Variants in CUEDC1 observed in about 807,000 individuals in gnomAD.
CUEDC1 encodes CUE domain containing 1.
A neutral mutation model predicts 43.7 loss-of-function variants in CUEDC1; 30 were observed. The observed-to-expected ratio is 0.69, with a 90% CI of 0.51 to 0.93. The LOEUF is 0.93. CUEDC1 is among the 40% of genes least tolerant of loss of function. CUEDC1 has a pLI of 0.00. For synonymous variants in CUEDC1, 223 were observed against 223.6 expected (o/e 1.00, Z 0.02); for missense variants, 486 against 549.0 (o/e 0.89, Z 1.15).
In CUEDC1 at chr17:57,896,202, A is replaced by G. The variant is rs572311886; in HGVS notation, c.-315-10323T>C. Among the ~76,000 whole-genome samples the G allele has an allele frequency of 6.2e-4, 94 of 152,314 alleles. 1 individual carries two copies. The highest frequency in any genetic ancestry group is 6.1e-3 in the Admixed American group (94 of 15,306). On this transcript the variant is annotated intron_variant, in intron 1 of 10. Coordinates refer to ENST00000577830, the MANE Select transcript of CUEDC1 (RefSeq NM_001271875.2). The stretch of plus-strand genomic sequence containing the variant: ...CTACTGATTCAGGAATTCCACTTCT[A>G]TGAAATTTACCTACAGATGATATGT...
Position 57,873,739 on chromosome 17 carries a change from G to A in CUEDC1, c.465-22C>T, listed in dbSNP as rs541707299. ...GATACTAGGGGATGGCAGGTGACAG[G>A]GAAGAGGAAGTCATTAAGCCCAACC... On this transcript the variant is annotated intron_variant, in intron 3 of 10. Transcript: ENST00000577830. The A allele has an allele frequency of 4.5e-6, 7 of 1,540,594 alleles. No individual in the cohort carries two copies. The East Asian group carries it at 1.5e-4, about 32-fold the overall frequency.
At chr17:57,923,151 T>C (rs1387748359) in intron 1 of CUEDC1, among the ~76,000 whole-genome samples, 1 of 152,022 alleles carries the variant, frequency 6.6e-6, no homozygotes, top group African/African-American at 2.4e-5. Flanking sequence ...TGTTTACAAT[T>C]TCCAACTAGC....
intron 2 of CUEDC1, among the ~76,000 whole-genome samples, chr17:57,881,543 C>G (rs112012392): frequency 3.9e-5 from 6 of 152,316 alleles, no homozygotes; most frequent in African/African-American, 1.4e-4. Context: ...TTTCCCAGAC[C>G]CCTCTTCTCT....
chr17:57,883,861 C>T (rs2074249773), intron 2 of CUEDC1, among the ~76,000 whole-genome samples: 3 of 152,126 alleles, frequency 2.0e-5, no homozygotes, highest in Admixed American at 6.5e-5. Flanking sequence ...GCTGCATGTC[C>T]CAGATGGCCC....
intron 1 of CUEDC1, among the ~76,000 whole-genome samples, chr17:57,931,547 C>T (rs1364069661): frequency 6.6e-6 from 1 of 152,132 alleles, no homozygotes; most frequent in African/African-American, 2.4e-5. Context: ...ACTGCTGTTC[C>T]TGCAGTGGGG....
chr17:57,934,305 T>C (rs1255433719), intron 1 of CUEDC1, among the ~76,000 whole-genome samples: 2 of 151,906 alleles, frequency 1.3e-5, no homozygotes, highest in East Asian at 1.9e-4. Flanking sequence ...GGCAGGAGAA[T>C]TGCTTGAACC....
chr17:57,939,909 A>G (rs1308523048), intron 1 of CUEDC1, among the ~76,000 whole-genome samples: 1 of 152,112 alleles, frequency 6.6e-6, no homozygotes, highest in Non-Finnish European at 1.5e-5. Flanking sequence ...CTCACTGAGA[A>G]CAGCTGCGTC....
At chr17:57,880,878 C>T (rs1446949774) in intron 2 of CUEDC1, among the ~76,000 whole-genome samples, 2 of 152,166 alleles carry the variant, frequency 1.3e-5, no homozygotes, top group Non-Finnish European at 2.9e-5. Context: ...TCCCTCACCA[C>T]ACAGCCCAAC....
rs1435024142 is a variant in CUEDC1 at position 57,885,575 on chromosome 17, C to T, written c.-11G>A. On this transcript the variant is annotated 5_prime_UTR_variant, in exon 2 of 11. Coordinates refer to ENST00000577830, the MANE Select transcript of CUEDC1 (RefSeq NM_001271875.2). ...GAACAGGCTGGTCATTTTGCGGAGC[C>T]GCTTGGGGAAAATGTTTCTAGCCGG... is the stretch of plus-strand genomic sequence containing the variant. 4 of 1,347,862 alleles carry T rather than the reference C, an allele frequency of 3.0e-6. No homozygotes were observed. The highest frequency in any genetic ancestry group is 6.1e-5 in the East Asian group (2 of 32,548). 83.5% of individuals were successfully genotyped at this position (1,347,862 alleles called of 1,614,324 possible).
At chr17:57,937,861 G>A (rs1258483255) in intron 1 of CUEDC1, among the ~76,000 whole-genome samples, 2 of 151,756 alleles carry the variant, frequency 1.3e-5, no homozygotes, top group African/African-American at 2.4e-5. Flanking sequence ...GAGCTGTGAT[G>A]GTGCTACTGC....
At chr17:57,940,103 G>A (rs562516463) in intron 1 of CUEDC1, among the ~76,000 whole-genome samples, 5 of 152,254 alleles carry the variant, frequency 3.3e-5, no homozygotes, top group Admixed American at 2.6e-4. Context: ...TGAGGAAAGA[G>A]GCTCTAGAGG....
rs557331879 is a variant in CUEDC1 at position 57,885,584 on chromosome 17, A to C, written c.-20T>G. 2.1e-5 allele frequency: 28 copies of C among 1,344,674 alleles called. No individual in the cohort carries two copies. In the South Asian group the frequency reaches 4.5e-4, roughly 21 times the overall value. The allele number at this position is 1,344,674 out of a possible 1,614,324, so 83.3% of individuals were successfully genotyped here. On this transcript the variant is annotated 5_prime_UTR_variant, in exon 2 of 11. Coordinates refer to ENST00000577830, the MANE Select transcript of CUEDC1 (RefSeq NM_001271875.2). ...GGTCATTTTGCGGAGCCGCTTGGGG[A>C]AAATGTTTCTAGCCGGCCGCAAAGC...
intron 1 of CUEDC1, among the ~76,000 whole-genome samples, chr17:57,897,868 C>T (rs1011442367): frequency 1.3e-5 from 2 of 152,034 alleles, no homozygotes; most frequent in Non-Finnish European, 2.9e-5. Flanking sequence ...CAAAACTTAG[C>T]TGGGCGTGGT....
intron 1 of CUEDC1, among the ~76,000 whole-genome samples, chr17:57,929,564 A>G (rs1328806206): frequency 6.6e-6 from 1 of 152,204 alleles, no homozygotes; most frequent in African/African-American, 2.4e-5. Context: ...CTTCCCTCTT[A>G]GAACAGGGTA....
rs550978042 is a variant in CUEDC1 at position 57,930,319 on chromosome 17, G to A, written c.-316+24906C>T. On this transcript the variant is annotated intron_variant, in intron 1 of 10. Coordinates refer to ENST00000577830, the MANE Select transcript of CUEDC1 (RefSeq NM_001271875.2). This position sits in a 1 kb window ranked among gnomAD's most constrained non-coding sequence, Gnocchi z 4.2. ...GCTGTGAACTCCACCTGGCAAACAAGTCGGACTCCAGCAAAGGCTCACCAG... is the reference window on the plus strand; with the variant it reads ...GCTGTGAACTCCACCTGGCAAACAAATCGGACTCCAGCAAAGGCTCACCAG... Among the ~76,000 whole-genome samples the A allele has an allele frequency of 2.6e-5, 4 of 152,338 alleles. No homozygotes were observed. The South Asian group carries it at 8.3e-4, about 32-fold the overall frequency.
At chr17:57,868,298 C>T in intron 7 of CUEDC1, 55 bp from the exon 8 acceptor site, 1 of 1,516,200 alleles carries the variant, frequency 6.6e-7, no homozygotes, top group Non-Finnish European at 9.2e-7. Flanking sequence ...CACCAGATGG[C>T]CTCCTCCCAG....
intron 1 of CUEDC1, among the ~76,000 whole-genome samples, chr17:57,951,264 C>T (rs899509062): frequency 6.6e-6 from 1 of 152,166 alleles, no homozygotes; most frequent in Non-Finnish European, 1.5e-5. Context: ...CTGGCATACA[C>T]ATGAGATCTC....
chr17:57,925,692 G>T (rs2074740422), intron 1 of CUEDC1, among the ~76,000 whole-genome samples: 1 of 152,152 alleles, frequency 6.6e-6, no homozygotes, highest in Non-Finnish European at 1.5e-5. Flanking sequence ...ACCATCTGGG[G>T]CACAGGAGCC....
chr17:57,873,488 G>T (rs1311395238), intron 4 of CUEDC1, 103 bp downstream of exon 4: 1 of 1,318,330 alleles, frequency 7.6e-7, no homozygotes, highest in Non-Finnish European at 1.0e-6. Context: ...GCTCAGCCTG[G>T]GTTTAAACAT....
Sources: allele counts gnomAD v4.1 joint callset (sites outside exome capture counted in the v4.1 genomes callset), GRCh38; gene constraint gnomAD v4.1.1; non-coding constraint Gnocchi (gnomAD v3.1); transcripts MANE v1.5; gene names NCBI Gene and HGNC (gene_info 2026-07-23, HGNC 2026-07-21).